The following HMGCLL1 variants were observed in gnomAD, a reference collection of about 807,000 sequenced individuals.
HMGCLL1 encodes the protein 3-hydroxymethyl-3-methylglutaryl-CoA lyase, cytoplasmic.
In HMGCLL1, 36 loss-of-function variants were observed where a neutral mutation model predicts 39.1. The observed-to-expected ratio is 0.92, with a 90% confidence interval of 0.71 to 1.22. The LOEUF (loss-of-function observed/expected upper bound fraction) is 1.22. Ranked by LOEUF, HMGCLL1 falls within the 50% of genes most tolerant of loss-of-function variation. HMGCLL1 has a pLI of 0.00. For synonymous variants in HMGCLL1, 149 were observed against 144.0 expected (o/e 1.03, Z -0.25); for missense variants, 451 against 416.5 (o/e 1.08, Z -0.72).
At chr6:55,447,627 T>C (rs951486926) in intron 7 of HMGCLL1, among the ~76,000 whole-genome samples, 2 of 152,068 alleles carry the variant, frequency 1.3e-5, no homozygotes, top group African/African-American at 2.4e-5. Flanking sequence ...TCTTTAAGAC[T>C]AAAAATAATA....
the HMGCLL1 span, among the ~76,000 whole-genome samples, chr6:55,672,306 T>C: frequency 6.6e-5 from 10 of 151,276 alleles, no homozygotes; most frequent in Admixed American, 5.9e-4. Flanking sequence ...ATCTGTATCT[T>C]CTAGAATAAA....
the HMGCLL1 span, among the ~76,000 whole-genome samples, chr6:55,605,887 T>C: frequency 6.6e-6 from 1 of 152,148 alleles, no homozygotes; most frequent in Non-Finnish European, 1.5e-5. Context: ...CATTTTAATT[T>C]TCCATCAATG....
chr6:55,439,091 A>G (rs1170072061), intron 8 of HMGCLL1, among the ~76,000 whole-genome samples: 2 of 152,226 alleles, frequency 1.3e-5, no homozygotes, highest in Non-Finnish European at 1.5e-5. Flanking sequence ...CATCCATACA[A>G]AAAACAAAAC....
At chr6:55,666,934 A>ATT in the HMGCLL1 span, among the ~76,000 whole-genome samples, 2 of 147,186 alleles carry the variant, frequency 1.4e-5, no homozygotes, top group Admixed American at 6.8e-5. Context: ...ACAATCTTTT[A>ATT]TTTTTTTTTT....
At chr6:55,444,675 T>C (rs968096558) in intron 7 of HMGCLL1, among the ~76,000 whole-genome samples, 2 of 152,042 alleles carry the variant, frequency 1.3e-5, no homozygotes, top group African/African-American at 4.8e-5. Flanking sequence ...ATTATTTTAC[T>C]TTAATTCTGT....
At chr6:55,481,579 G>A (rs1477991004) in intron 7 of HMGCLL1, among the ~76,000 whole-genome samples, 1 of 88,468 alleles carries the variant, frequency 1.1e-5, no homozygotes, top group African/African-American at 4.5e-5. Flanking sequence ...CAAGAGACAA[G>A]TGAGATCTAC....
chr6:55,594,048 A>T, the HMGCLL1 span, among the ~76,000 whole-genome samples: 1 of 152,228 alleles, frequency 6.6e-6, no homozygotes. Context: ...AGATGGATCA[A>T]ATTAGAATAT....
chr6:55,620,337 C>T, the HMGCLL1 span, among the ~76,000 whole-genome samples: 1 of 152,068 alleles, frequency 6.6e-6, no homozygotes, highest in African/African-American at 2.4e-5. Flanking sequence ...CCCTTTTCTC[C>T]ATATATTTGC....
chr6:55,672,568 G>C, the HMGCLL1 span, among the ~76,000 whole-genome samples: 1 of 151,710 alleles, frequency 6.6e-6, no homozygotes, highest in Non-Finnish European at 1.5e-5. Context: ...TCCAGTTCGA[G>C]GGTATGTAAT....
the HMGCLL1 span, among the ~76,000 whole-genome samples, chr6:55,667,588 G>C: frequency 2.6e-5 from 4 of 151,782 alleles, no homozygotes; most frequent in African/African-American, 9.7e-5. Flanking sequence ...AAATACTTCA[G>C]AGGGAAAGAA....
intron 1 of HMGCLL1, chr6:55,577,021 T>C: frequency 6.2e-7 from 1 of 1,600,392 alleles, no homozygotes; most frequent in Non-Finnish European, 8.5e-7. Context: ...GTGTAGATTG[T>C]CACTCAAACT....
intron 7 of HMGCLL1, among the ~76,000 whole-genome samples, chr6:55,470,093 C>T (rs1352827151): frequency 2.6e-5 from 4 of 151,886 alleles, no homozygotes; most frequent in Non-Finnish European, 5.9e-5. Flanking sequence ...GTCTAAGAGT[C>T]GTTCCTTGCT....
At chr6:55,666,002 A>G in the HMGCLL1 span, among the ~76,000 whole-genome samples, 2 of 151,736 alleles carry the variant, frequency 1.3e-5, no homozygotes, top group African/African-American at 2.4e-5. Flanking sequence ...ATGAGAAACT[A>G]TGGTTCCCTT....
chr6:55,518,288 T>TATA (rs1232432597), intron 3 of HMGCLL1, among the ~76,000 whole-genome samples: 1 of 152,084 alleles, frequency 6.6e-6, no homozygotes, highest in Non-Finnish European at 1.5e-5. Context: ...GATCACAGAT[T>TATA]ATAAGAGTTC....
the HMGCLL1 span, among the ~76,000 whole-genome samples, chr6:55,632,154 T>C: frequency 1.3e-5 from 2 of 152,238 alleles, no homozygotes; most frequent in African/African-American, 4.8e-5. Context: ...TGAGCCAAGA[T>C]GTAGGTTATA....
the HMGCLL1 span, among the ~76,000 whole-genome samples, chr6:55,621,929 T>A: frequency 0.04 from 6,070 of 152,158 alleles, 299 homozygotes; most frequent in East Asian, 0.17. Context: ...TCATGAAGTG[T>A]GTTAAATTTT....
At chr6:55,656,334 A>G in the HMGCLL1 span, among the ~76,000 whole-genome samples, 7,534 of 152,102 alleles carry the variant, frequency 0.05, 264 homozygotes, top group Non-Finnish European at 0.082. Flanking sequence ...TAAGAATTAT[A>G]GGAAACAATT....
At chr6:55,627,465 A>T in the HMGCLL1 span, among the ~76,000 whole-genome samples, 1 of 152,040 alleles carries the variant, frequency 6.6e-6, no homozygotes. Context: ...TGATCTCAGG[A>T]GATGTGTATG....
the HMGCLL1 span, among the ~76,000 whole-genome samples, chr6:55,670,750 TA>T: frequency 8.8e-4 from 133 of 151,608 alleles, no homozygotes; most frequent in African/African-American, 3.1e-3. Flanking sequence ...GGGAAACATA[TA>T]AAAAAAGTAG....
Sources: allele counts gnomAD v4.1 joint callset (sites outside exome capture counted in the v4.1 genomes callset), GRCh38; gene constraint gnomAD v4.1.1; transcripts MANE v1.5; gene names NCBI Gene and HGNC (gene_info 2026-07-23, HGNC 2026-07-21).